The following PASK variants were observed in gnomAD, a reference collection of about 807,000 sequenced individuals.
The protein encoded by PASK is PAS domain-containing serine/threonine-protein kinase.
Under a neutral mutation model 121.0 loss-of-function variants are expected in PASK, and 110 were observed. That is an observed-to-expected ratio of 0.91 (90% CI 0.78 to 1.06). The LOEUF (loss-of-function observed/expected upper bound fraction) is 1.06, where lower values mean the gene tolerates loss of function less well. PASK is among the 50% of genes least tolerant of loss of function. The pLI is 0.00. For missense variants in PASK, 1,643 were observed against 1,702.3 expected, an observed-to-expected ratio of 0.97 and a Z score of 0.61; for synonymous variants, 686 against 717.8, an observed-to-expected ratio of 0.96 and a Z score of 0.71.
chr2:241,124,242 G>T, intron 10 of PASK, 109 bp from the exon 11 acceptor site: 1 of 896,764 alleles, frequency 1.1e-6, no homozygotes, highest in Non-Finnish European at 1.8e-6. Context: ...ATCCCCAGCA[G>T]CTTTAAGTTA....
intron 12 of PASK, among the ~76,000 whole-genome samples, chr2:241,116,797 G>A (rs1243300175): frequency 1.3e-5 from 2 of 152,246 alleles, no homozygotes; most frequent in Non-Finnish European, 1.5e-5. Context: ...CTGAAGGAGC[G>A]ATGGGCAACC....
At position 241,127,126 on chromosome 2, in the gene PASK, C is replaced by T; in HGVS notation, c.1789G>A (p.Ala597Thr). 2 of 1,614,086 alleles carry T rather than the reference C, an allele frequency of 1.2e-6. No homozygotes were observed. Among genetic ancestry groups the T allele is most frequent in the Non-Finnish European group, 8.5e-7 (1 of 1,180,022 alleles). ...WAGAAVAKPQAKGQLAGGSLL... is the reference protein window; with the variant it reads ...WAGAAVAKPQTKGQLAGGSLL... ...CTGCCCCCCGCCAGCTGACCCTTGG[C>T]CTGGGGCTTGGCCACGGCAGCCCCA... The change falls in exon 10 of 18, where the codon GCC (alanine) becomes ACC (threonine). Residue 597 changes from alanine to threonine, a missense_variant. By Grantham distance (58) the Ala-to-Thr change is moderately conservative. Coordinates refer to ENST00000234040, the MANE Select transcript of PASK (RefSeq NM_015148.4).
intron 5 of PASK, 143 bp downstream of exon 5, chr2:241,138,511 C>T (rs924733985): frequency 3.3e-5 from 30 of 922,528 alleles, no homozygotes; most frequent in African/African-American, 1.6e-5. Context: ...ACGCAATCAG[C>T]GAGGGTACCA....
chr2:241,117,321 G>C (rs180949966), intron 12 of PASK, among the ~76,000 whole-genome samples: 1 of 152,332 alleles, frequency 6.6e-6, no homozygotes, highest in Admixed American at 6.5e-5. Context: ...AAGAAGACGA[G>C]GGGAAGCAGG....
chr2:241,111,147 C>T (rs1185860777), intron 15 of PASK, among the ~76,000 whole-genome samples: 2 of 152,194 alleles, frequency 1.3e-5, no homozygotes, highest in Non-Finnish European at 2.9e-5. Context: ...GAGGCCCTCC[C>T]GAGAGCCCAA....
chr2:241,149,944 G>A (rs2067207003), upstream of PASK: 5 of 1,428,072 alleles, frequency 3.5e-6, no homozygotes, highest in Non-Finnish European at 4.6e-6. Flanking sequence ...GTCAAGAGAA[G>A]GCGGCATTTC....
intron 8 of PASK, 79 bp from the exon 9 acceptor site, chr2:241,133,109 ACT>A: frequency 7.2e-7 from 1 of 1,388,720 alleles, no homozygotes; most frequent in Non-Finnish European, 1.0e-6. Context: ...CCTGGAACTC[ACT>A]GAGACTGCTT....
At chr2:241,139,572 G>C in intron 4 of PASK, 1 of 613,918 alleles carries the variant, frequency 1.6e-6, no homozygotes, top group South Asian at 1.5e-5. Flanking sequence ...CTGATGTGCT[G>C]CCCGGCAGGA....
intron 8 of PASK, chr2:241,134,276 T>C (rs549790323): frequency 1.3e-5 from 2 of 152,040 alleles, no homozygotes; most frequent in South Asian, 4.1e-4. Context: ...GAATTTGGAA[T>C]TCTGGAAAAA....
intron 11 of PASK, among the ~76,000 whole-genome samples, chr2:241,123,198 C>T (rs1416670366): frequency 6.5e-5 from 9 of 137,910 alleles, no homozygotes; most frequent in East Asian, 4.5e-4. Flanking sequence ...TTTTTTTAGA[C>T]GGAGTCTGGC....
rs774768642 is a variant in PASK, at chr2:241,115,046, T to G, written c.3330A>C (p.Arg1110=). The G allele has an allele frequency of 1.9e-6, 3 of 1,614,090 alleles. No individual in the cohort carries two copies. The highest frequency in any genetic ancestry group is 2.5e-6 in the Non-Finnish European group (3 of 1,179,966). ...CACGGCTCTGGCCTGCTCTCACTTG[T>G]CGGAAGATGTAGCTCGCCAGGGGCT... ...LDEPLASYIF[R]QLVSAVGYLR... Residue 1110 remains arginine (R), a synonymous_variant, in exon 14 of 18, where the codon CGA becomes CGC. Transcript: ENST00000234040.
At chr2:241,134,901 AGAGGCCCTG>A (rs1441051714) in intron 8 of PASK, 1 of 152,358 alleles carries the variant, frequency 6.6e-6, no homozygotes, top group African/African-American at 2.4e-5. Flanking sequence ...CCAGGTGGGC[AGAGGCCCTG>A]GAGGCAGAGT....
intron 11 of PASK, among the ~76,000 whole-genome samples, chr2:241,123,644 C>T (rs1029332860): frequency 7.9e-5 from 12 of 152,016 alleles, no homozygotes; most frequent in Admixed American, 5.9e-4. Flanking sequence ...CATGGAGAAA[C>T]CCAGTCTCTA....
At position 241,106,467 on chromosome 2, in the gene PASK, A is replaced by G; in HGVS notation, c.*99T>C. On this transcript the variant is annotated 3_prime_UTR_variant, in exon 18 of 18. Coordinates refer to ENST00000234040, the MANE Select transcript of PASK (RefSeq NM_015148.4). ...CTGCACATGAGTTTTTAGAAGGTGA[A>G]TTGGGGATGCTTCAGAATGTATTTT... 1.6e-6 allele frequency: 2 copies of G among 1,238,792 alleles called. No homozygotes were observed. The highest frequency in any genetic ancestry group is 1.2e-6 in the Non-Finnish European group (1 of 841,318). The allele number at this position is 1,238,792 out of a possible 1,614,324, so 76.7% of individuals were successfully genotyped here.
At chr2:241,120,492 C>CAAAAAAAAAAAAAAAAAAAAAAAAAAAAA (rs568145375) in intron 12 of PASK, among the ~76,000 whole-genome samples, 3 of 140,040 alleles carry the variant, frequency 2.1e-5, no homozygotes, top group South Asian at 2.3e-4. Flanking sequence ...GACTCTGTCT[C>CAAAAAAAAAAAAAAAAAAAAAAAAAAAAA]AAAAGAAAAA....
intron 12 of PASK, among the ~76,000 whole-genome samples, chr2:241,121,085 T>A (rs137930076): frequency 2.0e-4 from 31 of 152,372 alleles, no homozygotes; most frequent in African/African-American, 7.0e-4. Flanking sequence ...AAGAGCATGC[T>A]GTGCATGATT....
Position 241,149,398 on chromosome 2 carries a change from AGC to A in PASK, c.-43+14_-43+15del. 1 of 442,658 alleles carries A rather than the reference AGC, an allele frequency of 2.3e-6. No homozygotes were observed. The highest frequency in any genetic ancestry group is 4.1e-6 in the Non-Finnish European group (1 of 246,314). The allele number at this position is 442,658 out of a possible 1,614,324, so 27.4% of individuals were successfully genotyped here. ...TGGCGGAGCCCGGCCCGCTCTCCCG[AGC>A]GCAGGTATCTCACCTGGATCAGGCG... On this transcript the variant is annotated intron_variant, in intron 1 of 17. Coordinates refer to ENST00000234040, the MANE Select transcript of PASK (RefSeq NM_015148.4).
chr2:241,142,849 T>C lies in PASK; in HGVS notation c.184A>G (p.Thr62Ala). 2 of 1,612,566 alleles carry C rather than the reference T, an allele frequency of 1.2e-6. No homozygotes were observed. Among genetic ancestry groups the C allele is most frequent in the Non-Finnish European group, 1.7e-6 (2 of 1,178,964 alleles). The change falls in exon 2 of 18, where the codon ACA becomes GCA. Residue 62 changes from threonine (T) to alanine (A), a missense_variant. Thr to Ala is a moderately conservative substitution (Grantham distance 58). Around this residue, in one of 3 missense-constraint regions of PASK, gnomAD observed 1,176 missense variants for 1,162.2 expected, o/e 1.01. Coordinates refer to ENST00000234040, the MANE Select transcript of PASK (RefSeq NM_015148.4). ...NGLSRLCQSRTALSEDRWSSY... is the reference protein window; with the variant it reads ...NGLSRLCQSRAALSEDRWSSY... ...CGAAGGTCATTACCAGAGAGCGCTG[T>C]CCTGCTCTGGCAGAGTCTGGAAAGC...
At chr2:241,117,305 G>A (rs929606801) in intron 12 of PASK, among the ~76,000 whole-genome samples, 1 of 152,216 alleles carries the variant, frequency 6.6e-6, no homozygotes, top group Non-Finnish European at 1.5e-5. Flanking sequence ...GAGACTGAGG[G>A]AAAGCAAGAA....
Sources: allele counts gnomAD v4.1 joint callset (sites outside exome capture counted in the v4.1 genomes callset), GRCh38; gene constraint gnomAD v4.1.1; regional missense constraint gnomAD v4.1.1; transcripts MANE v1.5; gene names NCBI Gene and HGNC (gene_info 2026-07-23, HGNC 2026-07-21).